The following HADHB variants were observed in gnomAD, a reference collection of about 807,000 sequenced individuals.
HADHB encodes hydroxyacyl-CoA dehydrogenase trifunctional multienzyme complex subunit beta.
A neutral mutation model predicts 61.9 loss-of-function variants in HADHB; 50 were observed. That is an observed-to-expected ratio of 0.81 (90% confidence interval 0.64 to 1.02). The LOEUF (loss-of-function observed/expected upper bound fraction) is 1.02. HADHB is among the 50% of genes least tolerant of loss of function. The pLI is 0.00. For missense variants in HADHB, 504 were observed against 586.5 expected (o/e 0.86, Z 1.45); for synonymous variants, 191 against 201.6 (o/e 0.95, Z 0.45).
intron 14 of HADHB, 23 bp from the exon 15 acceptor site, chr2:26,285,384 A>G: frequency 6.2e-7 from 1 of 1,607,140 alleles, no homozygotes; most frequent in Non-Finnish European, 8.5e-7. Context: ...TTATCTTTAC[A>G]TTTGTGTCTT....
chr2:26,285,346 C>G lies in HADHB; in HGVS notation c.1225-61C>G, dbSNP rs1010920364. The G allele has an allele frequency of 1.3e-5, 19 of 1,426,984 alleles. No individual in the cohort carries two copies. In the African/African-American group the frequency reaches 1.8e-4, roughly 14 times the overall value. The allele number at this position is 1,426,984 out of a possible 1,614,324, so 88.4% of individuals were successfully genotyped here. A position where few individuals can be genotyped will look rare whatever the true frequency, so the allele number is the denominator to read the frequency against. Reference sequence around the variant, plus strand: ...CTCTCTTACTTCGTAGTACTAAGAGCCTAGCTTGATTCTGATCTTAAGTAA... The same window carrying G: ...CTCTCTTACTTCGTAGTACTAAGAGGCTAGCTTGATTCTGATCTTAAGTAA... On this transcript the variant is annotated intron_variant, in intron 14 of 15. Transcript: ENST00000317799.
At chr2:26,272,665 T>C (rs1190309541) in intron 5 of HADHB, among the ~76,000 whole-genome samples, 1 of 152,094 alleles carries the variant, frequency 6.6e-6, no homozygotes, top group Non-Finnish European at 1.5e-5. Flanking sequence ...GTCCCATTTG[T>C]CTTTGAGTGC....
At chr2:26,251,945 T>C (rs1671415066) in intron 1 of HADHB, among the ~76,000 whole-genome samples, 1 of 152,244 alleles carries the variant, frequency 6.6e-6, no homozygotes, top group Non-Finnish European at 1.5e-5. Flanking sequence ...AAGGGCACTT[T>C]AGCTGGGTTG....
chr2:26,285,306 C>A, intron 14 of HADHB, 101 bp from the exon 15 acceptor site: 1 of 971,962 alleles, frequency 1.0e-6, no homozygotes, highest in Non-Finnish European at 1.7e-6. Context: ...TCTGACGTTA[C>A]GTATTTTCCT....
At chr2:26,249,994 G>A (rs1671338044) in intron 1 of HADHB, among the ~76,000 whole-genome samples, 1 of 151,962 alleles carries the variant, frequency 6.6e-6, no homozygotes, top group Non-Finnish European at 1.5e-5. Context: ...ATGATAGATT[G>A]TTTCTGTTTT....
intron 7 of HADHB, among the ~76,000 whole-genome samples, chr2:26,277,642 C>T (rs1269666469): frequency 2.6e-5 from 4 of 152,140 alleles, no homozygotes; most frequent in African/African-American, 9.7e-5. Context: ...CGTAGTTAAC[C>T]TCTTTTTTTG....
At chr2:26,273,094 A>T (rs921203928) in intron 5 of HADHB, among the ~76,000 whole-genome samples, 21 of 152,042 alleles carry the variant, frequency 1.4e-4, no homozygotes, top group African/African-American at 5.1e-4. Flanking sequence ...TCTCAAAAAA[A>T]AAAAAAGGAA....
intron 1 of HADHB, among the ~76,000 whole-genome samples, chr2:26,250,735 C>T (rs895980738): frequency 2.0e-5 from 3 of 151,258 alleles, no homozygotes; most frequent in African/African-American, 7.3e-5. Flanking sequence ...GCAGGAGGAT[C>T]CCTTGAGCCC....
intron 1 of HADHB, among the ~76,000 whole-genome samples, chr2:26,248,499 A>G (rs1243541617): frequency 6.6e-6 from 1 of 152,078 alleles, no homozygotes; most frequent in Non-Finnish European, 1.5e-5. Flanking sequence ...TATATATGCT[A>G]TACATACATT....
chr2:26,288,634 G>A (rs961109680), intron 15 of HADHB, among the ~76,000 whole-genome samples: 2 of 152,052 alleles, frequency 1.3e-5, no homozygotes, highest in South Asian at 2.1e-4. Context: ...ACCTGAGCCC[G>A]GGAGGTTGAG....
intron 1 of HADHB, among the ~76,000 whole-genome samples, chr2:26,251,191 T>G: frequency 6.6e-6 from 1 of 152,080 alleles, no homozygotes; most frequent in Non-Finnish European, 1.5e-5. Flanking sequence ...GAAAGTGTTT[T>G]GTTTGTTTTT....
intron 9 of HADHB, 44 bp from the exon 10 acceptor site, chr2:26,279,950 G>A (rs755050178): frequency 1.4e-6 from 2 of 1,451,248 alleles, no homozygotes; most frequent in Non-Finnish European, 1.9e-6. Flanking sequence ...AGATATATAA[G>A]GCTTGTGGTT....
intron 1 of HADHB, among the ~76,000 whole-genome samples, chr2:26,250,430 A>G (rs1013306987): frequency 5.9e-5 from 9 of 152,122 alleles, no homozygotes. Flanking sequence ...ATATTTTACT[A>G]TGTGTATATT....
chr2:26,246,951 T>TGCGTGTGTGTGTGTGC (rs1671190770), intron 1 of HADHB, among the ~76,000 whole-genome samples: 1 of 152,206 alleles, frequency 6.6e-6, no homozygotes, highest in East Asian at 1.9e-4. Flanking sequence ...TGGGTGTGCG[T>TGCGTGTGTGTGTGTGC]GCGTGTGTGT....
chr2:26,282,937 T>C lies in HADHB; in HGVS notation c.1013+13T>C. On this transcript the variant is annotated intron_variant, in intron 11 of 15. Coordinates refer to ENST00000317799, the MANE Select transcript of HADHB (RefSeq NM_000183.3). ...AGGCATATTTGAGGTAAAGTAAATGTTCAAACAAATCATCTCTGATTTCTT... is the reference window on the plus strand; with the variant it reads ...AGGCATATTTGAGGTAAAGTAAATGCTCAAACAAATCATCTCTGATTTCTT... The C allele has an allele frequency of 1.9e-6, 3 of 1,605,946 alleles. No individual in the cohort carries two copies. The South Asian group carries it at 3.3e-5, about 18-fold the overall frequency.
intron 4 of HADHB, among the ~76,000 whole-genome samples, chr2:26,265,616 A>G (rs1019300587): frequency 6.6e-6 from 1 of 152,168 alleles, no homozygotes; most frequent in Non-Finnish European, 1.5e-5. Flanking sequence ...CAACAACAAC[A>G]ACAACAAAAC....
At chr2:26,256,361 G>A (rs1042496604) in intron 3 of HADHB, among the ~76,000 whole-genome samples, 1 of 152,156 alleles carries the variant, frequency 6.6e-6, no homozygotes, top group Non-Finnish European at 1.5e-5. Context: ...TGAAGCTTGT[G>A]TGAATATCTC....
At chr2:26,280,141 A>G (rs764136860) in intron 10 of HADHB, 26 bp downstream of exon 10, 16 of 1,591,204 alleles carry the variant, frequency 1.0e-5, no homozygotes, top group Non-Finnish European at 1.4e-5. Context: ...ATTTGTATTT[A>G]GTAGTGACTT....
chr2:26,261,222 C>CCT (rs375064998), intron 3 of HADHB: 1 of 474,760 alleles, frequency 2.1e-6, no homozygotes, highest in African/African-American at 2.0e-5. Context: ...ACCCCCCCCC[C>CCT]ATCCAGACAA....
Sources: allele counts gnomAD v4.1 joint callset (sites outside exome capture counted in the v4.1 genomes callset), GRCh38; gene constraint gnomAD v4.1.1; transcripts MANE v1.5; gene names NCBI Gene and HGNC (gene_info 2026-07-23, HGNC 2026-07-21).